PLPP3: variants seen among roughly 807,000 people sequenced by gnomAD.
PLPP3 encodes the protein phospholipid phosphatase 3, also known as PAP2 beta.
Under a neutral mutation model 29.6 loss-of-function variants are expected in PLPP3, and 6 were observed. That is an observed-to-expected ratio of 0.20 (90% CI 0.11 to 0.40). The LOEUF (loss-of-function observed/expected upper bound fraction) is 0.40, where lower values mean the gene tolerates loss of function less well. Ranked by LOEUF, PLPP3 falls within the 10% of genes least tolerant of loss-of-function variation. The pLI is 1.00. For synonymous variants in PLPP3, 152 were observed against 159.7 expected, an observed-to-expected ratio of 0.95 and a Z score of 0.36; for missense variants, 308 against 407.7, an observed-to-expected ratio of 0.76 and a Z score of 2.11.
chr1:56,504,490 C>T (rs2100223997), intron 5 of PLPP3, among the ~76,000 whole-genome samples: 1 of 152,142 alleles, frequency 6.6e-6, no homozygotes, highest in South Asian at 2.1e-4. Flanking sequence ...CAAAGATGAC[C>T]AAGGCTCAAC....
intron 1 of PLPP3, among the ~76,000 whole-genome samples, chr1:56,564,815 TG>T (rs1646151076): frequency 6.6e-6 from 1 of 152,170 alleles, no homozygotes; most frequent in Non-Finnish European, 1.5e-5. Context: ...CCTCCTGCGG[TG>T]TCACTGGAGC....
At chr1:56,568,741 C>T (rs1646178289) in intron 1 of PLPP3, among the ~76,000 whole-genome samples, 1 of 152,136 alleles carries the variant, frequency 6.6e-6, no homozygotes, top group South Asian at 2.1e-4. Flanking sequence ...TTCTCTGCCT[C>T]AGCCTCCCGA....
intron 4 of PLPP3, among the ~76,000 whole-genome samples, chr1:56,521,269 C>G (rs1240985443): frequency 1.5e-5 from 2 of 132,882 alleles, no homozygotes; most frequent in Non-Finnish European, 3.3e-5. Context: ...AGAAGAAGAA[C>G]AAAGAAAGTT....
chr1:56,533,035 C>CAGCA (rs1023021307), intron 2 of PLPP3, among the ~76,000 whole-genome samples: 12 of 151,604 alleles, frequency 7.9e-5, no homozygotes, highest in African/African-American at 2.9e-4. Context: ...CCCCGTCTTC[C>CAGCA]AGCAACCTAT....
chr1:56,516,412 A>G (rs1180696041), intron 4 of PLPP3, among the ~76,000 whole-genome samples: 3 of 152,210 alleles, frequency 2.0e-5, no homozygotes, highest in Non-Finnish European at 2.9e-5. Context: ...CTGCTGATAG[A>G]TGATGTCATC....
At chr1:56,527,857 C>G (rs1645861863) in intron 2 of PLPP3, among the ~76,000 whole-genome samples, 1 of 152,152 alleles carries the variant, frequency 6.6e-6, no homozygotes, top group Non-Finnish European at 1.5e-5. Context: ...TTAAATTGTT[C>G]TCCGACACGT....
At chr1:56,515,922 T>C (rs994069183) in intron 4 of PLPP3, among the ~76,000 whole-genome samples, 1 of 152,086 alleles carries the variant, frequency 6.6e-6, no homozygotes, top group Non-Finnish European at 1.5e-5. Flanking sequence ...GTTGCCAGGA[T>C]CAAAGGAGAT....
chr1:56,513,988 A>C (rs909699547), intron 4 of PLPP3, among the ~76,000 whole-genome samples: 1 of 152,092 alleles, frequency 6.6e-6, no homozygotes, highest in African/African-American at 2.4e-5. Context: ...TGTGGGGAAA[A>C]AATTATTCTA....
At chr1:56,574,227 G>A (rs921741373) in intron 1 of PLPP3, among the ~76,000 whole-genome samples, 5 of 151,316 alleles carry the variant, frequency 3.3e-5, no homozygotes, top group African/African-American at 7.3e-5. Context: ...TAACCATTAT[G>A]GACAGTGAAT....
At chr1:56,518,715 T>TATATATATATATATATA (rs1645798825) in intron 4 of PLPP3, among the ~76,000 whole-genome samples, 3 of 126,670 alleles carry the variant, frequency 2.4e-5, no homozygotes, top group African/African-American at 8.4e-5. Context: ...TTTTAATCAT[T>TATATATATATATATATA]TATATATATA....
At chr1:56,550,410 C>T (rs894224498) in intron 1 of PLPP3, among the ~76,000 whole-genome samples, 2 of 152,138 alleles carry the variant, frequency 1.3e-5, no homozygotes, top group Non-Finnish European at 1.5e-5. Flanking sequence ...AAGGGTAGAT[C>T]CTGGGATGTT....
intron 1 of PLPP3, among the ~76,000 whole-genome samples, chr1:56,545,380 C>A (rs999579659): frequency 6.6e-6 from 1 of 152,170 alleles, no homozygotes; most frequent in Admixed American, 6.5e-5. Context: ...CAGGGAGCCA[C>A]CAAAAGCTTT....
Position 56,510,293 on chromosome 1 carries a change from G to A in PLPP3, c.810+1683C>T, listed in dbSNP as rs545691277. 2.0e-4 allele frequency among the ~76,000 whole-genome samples: 31 copies of A among 152,334 alleles called. No individual in the cohort carries two copies. The South Asian group carries it at 6.4e-3, about 32-fold the overall frequency. ...TAAAGGGCCAGGCACCAGAGAACAAGCCGGTCAGTGACAGCTGCTCTCATT... is the reference window on the plus strand; with the variant it reads ...TAAAGGGCCAGGCACCAGAGAACAAACCGGTCAGTGACAGCTGCTCTCATT... On this transcript the variant is annotated intron_variant, in intron 5 of 5. Coordinates refer to ENST00000371250, the MANE Select transcript of PLPP3 (RefSeq NM_003713.5).
intron 1 of PLPP3, among the ~76,000 whole-genome samples, chr1:56,555,447 A>AC: frequency 6.7e-6 from 1 of 148,384 alleles, no homozygotes; most frequent in South Asian, 2.1e-4. Flanking sequence ...AAAAAAAAAA[A>AC]AAAAAAAAAA....
intron 1 of PLPP3, among the ~76,000 whole-genome samples, chr1:56,557,026 A>AGAAAGAGAGAGAGAGAG (rs1646085318): frequency 1.0e-4 from 1 of 9,524 alleles, no homozygotes; most frequent in East Asian, 2.0e-3. Context: ...GAGAGAGAGA[A>AGAAAGAGAGAGAGAGAG]AGAGAGAGAG....
rs141591607 is a variant in PLPP3 at position 56,528,532 on chromosome 1, G to A, written c.298-3978C>T. On this transcript the variant is annotated intron_variant, in intron 2 of 5. Coordinates refer to ENST00000371250, the MANE Select transcript of PLPP3 (RefSeq NM_003713.5). The stretch of plus-strand genomic sequence containing the variant: ...ATGTGACTTTACCTCTCTGGGCTTA[G>A]ATGTCCTCATCTATAAAATAAGGTT... 1.1e-4 allele frequency among the ~76,000 whole-genome samples: 16 copies of A among 152,202 alleles called. No individual in the cohort carries two copies. In the East Asian group the frequency reaches 3.1e-3, roughly 29 times the overall value.
chr1:56,521,293 G>A (rs1460606556), intron 4 of PLPP3, among the ~76,000 whole-genome samples: 1 of 149,992 alleles, frequency 6.7e-6, no homozygotes, highest in Admixed American at 6.6e-5. Flanking sequence ...CAGATCAGAT[G>A]TTACAAGAGC....
intron 2 of PLPP3, among the ~76,000 whole-genome samples, chr1:56,534,341 T>C (rs764679873): frequency 7.9e-5 from 12 of 152,196 alleles, no homozygotes; most frequent in Non-Finnish European, 1.5e-4. Context: ...CTCCTGCCAT[T>C]GAAAGGTGTC....
intron 1 of PLPP3, among the ~76,000 whole-genome samples, chr1:56,572,572 G>T (rs1002593588): frequency 8.5e-5 from 13 of 152,262 alleles, no homozygotes; most frequent in Admixed American, 2.0e-4. Context: ...CCCAGAAAGG[G>T]TCAGGAAACC....
Sources: gnomAD v4.1 joint callset for allele counts (sites outside exome capture counted in the v4.1 genomes callset) on GRCh38, gnomAD v4.1.1 for gene constraint, MANE v1.5 for transcripts, NCBI Gene and HGNC (gene_info 2026-07-23, HGNC 2026-07-21) for gene names.